Variants in STRN observed in about 807,000 individuals in gnomAD.
STRN encodes striatin, also known as protein phosphatase 2 regulatory subunit B'''alpha.
STRN carries 53 observed loss-of-function variants against 96.3 expected under a neutral mutation model. The observed-to-expected ratio is 0.55, with a 90% CI of 0.44 to 0.69. STRN has a LOEUF of 0.69. Among genes scored for constraint, STRN ranks in the 30% least tolerant of loss-of-function variants. STRN has a pLI of 0.00. For synonymous variants in STRN, 428 were observed against 355.9 expected (o/e 1.20, Z -2.28); for missense variants, 987 against 963.9 (o/e 1.02, Z -0.32).
At chr2:36,957,771 T>TTG (rs1664931263) in intron 1 of STRN, among the ~76,000 whole-genome samples, 1 of 129,752 alleles carries the variant, frequency 7.7e-6, no homozygotes, top group Non-Finnish European at 1.6e-5. Flanking sequence ...TTTTTTTTTT[T>TTG]TGAGGTGGAG....
intron 15 of STRN, among the ~76,000 whole-genome samples, chr2:36,852,412 T>A (rs1668242548): frequency 6.6e-6 from 1 of 152,216 alleles, no homozygotes; most frequent in Non-Finnish European, 1.5e-5. Flanking sequence ...TAGTATTGTG[T>A]CAATGTTAAG....
At chr2:36,924,222 G>A (rs2148229787) in intron 2 of STRN, among the ~76,000 whole-genome samples, 1 of 152,166 alleles carries the variant, frequency 6.6e-6, no homozygotes, top group East Asian at 1.9e-4. Context: ...CAGGCGTGGT[G>A]GCGGGCACCT....
chr2:36,860,453 C>T (rs1340344631), intron 13 of STRN, among the ~76,000 whole-genome samples: 1 of 152,130 alleles, frequency 6.6e-6, no homozygotes, highest in Non-Finnish European at 1.5e-5. Flanking sequence ...TATCCTTACT[C>T]TGGTTTGGTG....
chr2:36,917,162 T>C (rs566551771), intron 2 of STRN, among the ~76,000 whole-genome samples: 3 of 151,788 alleles, frequency 2.0e-5, no homozygotes, highest in Admixed American at 2.0e-4. Flanking sequence ...ACAGCCAAAT[T>C]TGAAAGTTTT....
At chr2:36,878,110 T>G in intron 9 of STRN, 83 bp from the exon 10 acceptor site, 1 of 1,455,096 alleles carries the variant, frequency 6.9e-7, no homozygotes, top group Admixed American at 1.9e-5. Flanking sequence ...AAATTTCTTA[T>G]AAGTGCACGT....
chr2:36,894,233 T>C (rs1029544032), intron 6 of STRN, among the ~76,000 whole-genome samples, 200 bp from the exon 7 acceptor site: 1 of 152,190 alleles, frequency 6.6e-6, no homozygotes, highest in Non-Finnish European at 1.5e-5. Flanking sequence ...TGCTCAACGG[T>C]ATTATGGCTT....
At position 36,841,605 on chromosome 2, in the gene STRN, A is replaced by T. The variant is rs1170669763; in HGVS notation, c.*7851T>A. 1.3e-5 allele frequency: 2 copies of T among 152,208 alleles called. No homozygotes were observed. The highest frequency in any genetic ancestry group is 2.9e-5 in the Non-Finnish European group (2 of 68,034). 9.4% of individuals were successfully genotyped at this position (152,208 alleles called of 1,614,324 possible). A position where few individuals can be genotyped will look rare whatever the true frequency, so the allele number is the denominator to read the frequency against. On this transcript the variant is annotated 3_prime_UTR_variant, in exon 18 of 18. Transcript: ENST00000263918. ...AAAGAGAACTCACTCTGTAAAAACGATTCTCATATTTTTTCATGAGATTAT... is the reference window on the plus strand; with the variant it reads ...AAAGAGAACTCACTCTGTAAAAACGTTTCTCATATTTTTTCATGAGATTAT...
chr2:36,916,820 T>C (rs1385727599), intron 2 of STRN, among the ~76,000 whole-genome samples: 1 of 152,168 alleles, frequency 6.6e-6, no homozygotes, highest in Admixed American at 6.5e-5. Context: ...TTCTGGTTAA[T>C]AGGATTTAAC....
Position 36,846,740 on chromosome 2 carries a change from A to T in STRN, c.*2716T>A, listed in dbSNP as rs549048137. ...CAATAGAAAAATACTGAAGGTCATT[A>T]TATCACTTTTGTTAAATAATCTGTC... On this transcript the variant is annotated 3_prime_UTR_variant, in exon 18 of 18. Transcript: ENST00000263918. The T allele has an allele frequency of 6.6e-6, 1 of 152,132 alleles. No homozygotes were observed. Among genetic ancestry groups the T allele is most frequent in the East Asian group, 1.9e-4 (1 of 5,172 alleles). The allele number at this position is 152,132 out of a possible 1,614,324, so 9.4% of individuals were successfully genotyped here.
At chr2:36,857,631 G>C (rs1186751352) in intron 14 of STRN, among the ~76,000 whole-genome samples, 1 of 152,070 alleles carries the variant, frequency 6.6e-6, no homozygotes, top group African/African-American at 2.4e-5. Context: ...CTGCACTCCA[G>C]CCTGGGCAAC....
At chr2:36,871,087 G>A (rs982658343) in intron 10 of STRN, among the ~76,000 whole-genome samples, 2 of 152,130 alleles carry the variant, frequency 1.3e-5, no homozygotes, top group African/African-American at 2.4e-5. Flanking sequence ...TTTAAGCTGT[G>A]TCAAAATGTT....
chr2:36,929,106 G>A (rs577099177), intron 1 of STRN, among the ~76,000 whole-genome samples: 1 of 152,166 alleles, frequency 6.6e-6, no homozygotes, highest in Non-Finnish European at 1.5e-5. Flanking sequence ...GAACTTCCAT[G>A]ATACTTTATA....
chr2:36,932,121 A>G (rs896923716), intron 1 of STRN, among the ~76,000 whole-genome samples: 2 of 151,932 alleles, frequency 1.3e-5, no homozygotes, highest in Non-Finnish European at 2.9e-5. Flanking sequence ...CACCAAGCCT[A>G]AAAACTGTAT....
At chr2:36,854,419 A>G (rs1668293952) in intron 15 of STRN, among the ~76,000 whole-genome samples, 1 of 152,216 alleles carries the variant, frequency 6.6e-6, no homozygotes, top group African/African-American at 2.4e-5. Flanking sequence ...TATCAGAAGA[A>G]AACAATGAAC....
intron 1 of STRN, among the ~76,000 whole-genome samples, chr2:36,948,309 A>C (rs376676030): frequency 2.0e-5 from 3 of 152,022 alleles, no homozygotes; most frequent in African/African-American, 7.2e-5. Context: ...CATGTTGGCC[A>C]GGCTGGTCTC....
intron 1 of STRN, among the ~76,000 whole-genome samples, chr2:36,957,743 TC>T (rs370209394): frequency 6.8e-5 from 8 of 117,504 alleles, no homozygotes; most frequent in African/African-American, 1.9e-4. Flanking sequence ...CTTCTTTTTG[TC>T]TTTTTTTTTT....
intron 12 of STRN, among the ~76,000 whole-genome samples, chr2:36,862,286 G>C (rs1668509159): frequency 6.6e-6 from 1 of 152,162 alleles, no homozygotes; most frequent in South Asian, 2.1e-4. Flanking sequence ...AATAATGCTA[G>C]GTTGACTGGT....
chr2:36,885,699 G>C (rs528045779), intron 8 of STRN, among the ~76,000 whole-genome samples: 1 of 152,176 alleles, frequency 6.6e-6, no homozygotes, highest in South Asian at 2.1e-4. Context: ...AAGTTTAAAA[G>C]AATGTCCTAA....
chr2:36,868,223 A>C (rs1668677744), intron 11 of STRN, among the ~76,000 whole-genome samples: 1 of 150,676 alleles, frequency 6.6e-6, no homozygotes, highest in Admixed American at 6.7e-5. Flanking sequence ...AATCTTTCTG[A>C]ACTTCAGATT....
Sources: allele counts gnomAD v4.1 joint callset (sites outside exome capture counted in the v4.1 genomes callset), GRCh38; gene constraint gnomAD v4.1.1; transcripts MANE v1.5; gene names NCBI Gene and HGNC (gene_info 2026-07-23, HGNC 2026-07-21).